PLEKHG1: variants seen among roughly 807,000 people sequenced by gnomAD.
PLEKHG1 encodes the protein pleckstrin homology domain-containing family G member 1.
Under a neutral mutation model 100.8 loss-of-function variants are expected in PLEKHG1, and 44 were observed. The observed-to-expected ratio is 0.44, with a 90% CI of 0.34 to 0.56. The LOEUF (loss-of-function observed/expected upper bound fraction) is 0.56. Among genes scored for constraint, PLEKHG1 ranks in the 20% least tolerant of loss-of-function variants. The probability of loss-of-function intolerance (pLI) is 0.01; values close to 1 mark genes in which losing one functional copy is unlikely to be tolerated. For synonymous variants in PLEKHG1, 640 were observed against 662.5 expected, an observed-to-expected ratio of 0.97 and a Z score of 0.52; for missense variants, 1,545 against 1,720.9, an observed-to-expected ratio of 0.90 and a Z score of 1.81.
At chr6:150,698,825 C>T (rs1481667903) in intron 3 of PLEKHG1, among the ~76,000 whole-genome samples, 1 of 152,188 alleles carries the variant, frequency 6.6e-6, no homozygotes, top group Non-Finnish European at 1.5e-5. Context: ...GCATTTGTAT[C>T]TGCAAATGAT....
chr6:150,758,229 G>A (rs970410644), intron 2 of PLEKHG1, among the ~76,000 whole-genome samples: 1 of 151,952 alleles, frequency 6.6e-6, no homozygotes, highest in Non-Finnish European at 1.5e-5. Flanking sequence ...TGCTATTTCT[G>A]CCTCTAGATC....
intron 2 of PLEKHG1, among the ~76,000 whole-genome samples, chr6:150,765,005 T>C (rs906296472): frequency 7.2e-5 from 11 of 152,108 alleles, no homozygotes; most frequent in Non-Finnish European, 1.6e-4. Flanking sequence ...TATTACATCC[T>C]CAAAATAAAA....
At chr6:150,733,708 C>A in exon 2 of PLEKHG1, 1 of 1,614,170 alleles carries the variant, frequency 6.2e-7, no homozygotes, top group Non-Finnish European at 8.5e-7. Context: ...GTGACCGACC[C>A]GTCAGCTTCG....
In PLEKHG1 at chr6:150,632,373, G is replaced by A. The variant is rs191185812; in HGVS notation, c.-203-5707G>A. Among the ~76,000 whole-genome samples, 5 of 152,316 alleles carry A rather than the reference G, an allele frequency of 3.3e-5. No individual in the cohort carries two copies. The East Asian group carries it at 9.6e-4, about 29-fold the overall frequency. ...AATGTAAAGATTTCTTCCAAAGTTT[G>A]TCTTTTTGTCTGCTTTTATCATCGG... On this transcript the variant is annotated intron_variant, in intron 1 of 3. Coordinates refer to the PLEKHG1 transcript ENST00000367326.
intron 2 of PLEKHG1, among the ~76,000 whole-genome samples, chr6:150,744,838 G>A (rs942008503): frequency 3.2e-4 from 48 of 152,150 alleles, no homozygotes; most frequent in African/African-American, 1.1e-3. Flanking sequence ...GGAAATCCGG[G>A]ATATATGTGG....
intron 3 of PLEKHG1, among the ~76,000 whole-genome samples, chr6:150,673,966 A>G (rs1329650217): frequency 2.6e-5 from 4 of 152,076 alleles, no homozygotes; most frequent in Non-Finnish European, 5.9e-5. Flanking sequence ...CGCTCACCCT[A>G]TGAACTGTTT....
intron 1 of PLEKHG1, among the ~76,000 whole-genome samples, chr6:150,615,717 C>G (rs925829750): frequency 6.6e-6 from 1 of 152,012 alleles, no homozygotes; most frequent in Admixed American, 6.6e-5. Flanking sequence ...ATAAGCAGAC[C>G]GGATATGAGG....
At chr6:150,733,688 C>A (rs960146518) in exon 2 of PLEKHG1, 3 of 1,614,178 alleles carry the variant, frequency 1.9e-6, no homozygotes, top group East Asian at 4.5e-5. Context: ...GACAATGGAG[C>A]TCTCTGATAG....
intron 3 of PLEKHG1, among the ~76,000 whole-genome samples, chr6:150,669,984 A>G (rs1488018344): frequency 6.6e-6 from 1 of 152,180 alleles, no homozygotes; most frequent in Non-Finnish European, 1.5e-5. Context: ...TGATCCTAAA[A>G]TGTATTTCTA....
chr6:150,674,778 A>G (rs182140), intron 3 of PLEKHG1, among the ~76,000 whole-genome samples: 138,028 of 151,830 alleles, frequency 0.91, 62,866 homozygotes, highest in East Asian at 0.97. Flanking sequence ...CACCTCCTGG[A>G]TTCAAGAGAT....
intron 11 of PLEKHG1, among the ~76,000 whole-genome samples, chr6:150,819,415 A>G (rs1295755916): frequency 6.6e-6 from 1 of 151,710 alleles, no homozygotes; most frequent in Non-Finnish European, 1.5e-5. Context: ...AAATACAAAA[A>G]TTAGTCAGGC....
At chr6:150,766,727 C>T (rs1442064930) in intron 2 of PLEKHG1, among the ~76,000 whole-genome samples, 1 of 152,198 alleles carries the variant, frequency 6.6e-6, no homozygotes, top group African/African-American at 2.4e-5. Flanking sequence ...GGTTCTTTGT[C>T]TGTAACCCCA....
chr6:150,644,256 C>T (rs1052495053), intron 2 of PLEKHG1, among the ~76,000 whole-genome samples: 8 of 151,420 alleles, frequency 5.3e-5, no homozygotes, highest in Non-Finnish European at 8.8e-5. Flanking sequence ...AGAATTTGGC[C>T]CTATTAAAGA....
intron 1 of PLEKHG1, among the ~76,000 whole-genome samples, chr6:150,615,596 T>C (rs61081754): frequency 0.02 from 3,105 of 152,290 alleles, 93 homozygotes; most frequent in African/African-American, 0.07. Flanking sequence ...GAAAATACTA[T>C]ACAGATATAA....
intron 2 of PLEKHG1, among the ~76,000 whole-genome samples, chr6:150,642,176 T>G (rs551095193): frequency 6.6e-4 from 100 of 152,236 alleles, no homozygotes; most frequent in Non-Finnish European, 1.2e-3. Context: ...AGTACAACTT[T>G]GGAAACCACA....
intron 2 of PLEKHG1, among the ~76,000 whole-genome samples, chr6:150,755,795 G>A (rs1049686877): frequency 1.6e-4 from 24 of 152,198 alleles, no homozygotes; most frequent in African/African-American, 5.3e-4. Flanking sequence ...TGTTGCATCC[G>A]GCAGTGCCTT....
chr6:150,842,068 A>T (rs1777551838), exon 16 of PLEKHG1: 1 of 152,220 alleles, frequency 6.6e-6, no homozygotes, highest in South Asian at 2.1e-4. Flanking sequence ...CATTTGTCAC[A>T]TTTCATTGTG....
chr6:150,647,829 C>T (rs758831510), intron 2 of PLEKHG1, among the ~76,000 whole-genome samples: 21 of 152,094 alleles, frequency 1.4e-4, no homozygotes, highest in Admixed American at 4.6e-4. Flanking sequence ...ATTTATAGAA[C>T]AGCCTCTGAG....
intron 3 of PLEKHG1, among the ~76,000 whole-genome samples, chr6:150,654,202 C>T (rs939538528): frequency 1.3e-4 from 20 of 152,192 alleles, no homozygotes; most frequent in African/African-American, 2.2e-4. Flanking sequence ...GTCCAGGCAC[C>T]GGGTGCTGAG....
Sources: allele counts gnomAD v4.1 joint callset (sites outside exome capture counted in the v4.1 genomes callset), GRCh38; gene constraint gnomAD v4.1.1; transcripts MANE v1.5; gene names NCBI Gene and HGNC (gene_info 2026-07-23, HGNC 2026-07-21).